Variants in LRP1B observed in about 807,000 individuals in gnomAD.
The protein encoded by LRP1B is low-density lipoprotein receptor-related protein 1B.
In LRP1B, 217 loss-of-function variants were observed where a neutral mutation model predicts 556.6. The ratio of observed to expected loss-of-function variants is 0.39; its 90% CI spans 0.35 to 0.44. The LOEUF (loss-of-function observed/expected upper bound fraction) is 0.44. Among genes scored for constraint, LRP1B ranks in the 20% least tolerant of loss-of-function variants. The pLI is 1.00. For missense variants in LRP1B, 5,053 were observed against 5,620.8 expected (o/e 0.90, Z 3.23); for synonymous variants, 2,047 against 1,865.8 (o/e 1.10, Z -2.50).
intron 35 of LRP1B, among the ~76,000 whole-genome samples, chr2:140,765,014 A>G (rs923327792): frequency 3.3e-5 from 5 of 152,264 alleles, no homozygotes; most frequent in African/African-American, 1.2e-4. Context: ...CTTTTAATAG[A>G]GACAGGGTCT....
intron 1 of LRP1B, among the ~76,000 whole-genome samples, chr2:141,871,750 T>C (rs1698594624): frequency 6.6e-6 from 1 of 151,882 alleles, no homozygotes; most frequent in Non-Finnish European, 1.5e-5. Flanking sequence ...TAAAAAGGTG[T>C]TTAGTTTATG....
chr2:141,346,407 C>T (rs1239928230), intron 3 of LRP1B, among the ~76,000 whole-genome samples: 1 of 152,056 alleles, frequency 6.6e-6, no homozygotes, highest in Admixed American at 6.6e-5. Flanking sequence ...ACTTTAGATC[C>T]TCTCCTGGGC....
intron 3 of LRP1B, among the ~76,000 whole-genome samples, chr2:141,405,071 C>T (rs185475919): frequency 7.3e-5 from 11 of 151,150 alleles, no homozygotes; most frequent in African/African-American, 9.7e-5. Flanking sequence ...CCAGCCTGGG[C>T]GACAAGAGCG....
chr2:141,454,504 C>T (rs1452229324), intron 3 of LRP1B, among the ~76,000 whole-genome samples: 1 of 151,470 alleles, frequency 6.6e-6, no homozygotes, highest in East Asian at 1.9e-4. Context: ...ACCACAGAAC[C>T]TACCATGACA....
intron 1 of LRP1B, among the ~76,000 whole-genome samples, chr2:141,906,066 A>AG (rs1699752216): frequency 6.6e-6 from 1 of 150,732 alleles, no homozygotes; most frequent in Admixed American, 6.6e-5. Flanking sequence ...GACAAGTGGG[A>AG]GGGGGAAGAA....
At chr2:141,768,295 G>A (rs572690288) in intron 2 of LRP1B, among the ~76,000 whole-genome samples, 1 of 152,160 alleles carries the variant, frequency 6.6e-6, no homozygotes, top group South Asian at 2.1e-4. Context: ...GGATCTAAAT[G>A]AGAGATTTTT....
At chr2:141,367,035 C>A (rs1183581068) in intron 3 of LRP1B, among the ~76,000 whole-genome samples, 2 of 152,144 alleles carry the variant, frequency 1.3e-5, no homozygotes, top group East Asian at 3.8e-4. Context: ...ATGGACTTGC[C>A]TGAACCTTCA....
At chr2:140,513,031 A>C (rs1438093690) in intron 51 of LRP1B, among the ~76,000 whole-genome samples, 1 of 152,144 alleles carries the variant, frequency 6.6e-6, no homozygotes, top group African/African-American at 2.4e-5. Flanking sequence ...TCTTTAATAA[A>C]AAAGCATTAT....
chr2:140,303,409 G>A, intron 83 of LRP1B, among the ~76,000 whole-genome samples: 1 of 151,622 alleles, frequency 6.6e-6, no homozygotes, highest in East Asian at 2.0e-4. Flanking sequence ...CACGATGCCT[G>A]GCTATTTTTT....
At chr2:142,029,919 G>C (rs995756160) in intron 1 of LRP1B, among the ~76,000 whole-genome samples, 1 of 151,462 alleles carries the variant, frequency 6.6e-6, no homozygotes, top group Non-Finnish European at 1.5e-5. Flanking sequence ...ATTAGAGCTT[G>C]CAATAAATAT....
chr2:140,463,664 C>T (rs569222891), intron 60 of LRP1B, among the ~76,000 whole-genome samples: 21 of 152,044 alleles, frequency 1.4e-4, no homozygotes, highest in Admixed American at 3.3e-4. Flanking sequence ...TTTATTTTTC[C>T]GATATTAAAT....
chr2:141,911,935 T>C (rs961899831), intron 1 of LRP1B, among the ~76,000 whole-genome samples: 1 of 152,152 alleles, frequency 6.6e-6, no homozygotes, highest in Admixed American at 6.5e-5. Flanking sequence ...ATGAACCCCC[T>C]ACAAGCATGC....
At chr2:140,414,963 G>C (rs1183333645) in intron 66 of LRP1B, among the ~76,000 whole-genome samples, 1 of 152,100 alleles carries the variant, frequency 6.6e-6, no homozygotes, top group Non-Finnish European at 1.5e-5. Flanking sequence ...TTCCTAGCAG[G>C]GAATATTAAT....
At chr2:141,314,968 G>T (rs16855028) in intron 3 of LRP1B, among the ~76,000 whole-genome samples, 1 of 146,868 alleles carries the variant, frequency 6.8e-6, no homozygotes, top group African/African-American at 2.5e-5. Context: ...GCCTCTCCCC[G>T]CAAGAGCCTA....
intron 84 of LRP1B, among the ~76,000 whole-genome samples, chr2:140,278,700 T>A (rs993397425): frequency 6.6e-6 from 1 of 152,040 alleles, no homozygotes; most frequent in Non-Finnish European, 1.5e-5. Context: ...TAATAAATAA[T>A]TCTAAATTGC....
intron 1 of LRP1B, among the ~76,000 whole-genome samples, chr2:141,835,187 C>T (rs539153565): frequency 6.6e-6 from 1 of 152,094 alleles, no homozygotes; most frequent in African/African-American, 2.4e-5. Context: ...ATTAACTGAA[C>T]TTGTGGGACA....
intron 3 of LRP1B, among the ~76,000 whole-genome samples, chr2:141,348,098 C>T (rs1688317329): frequency 1.3e-5 from 2 of 152,018 alleles, no homozygotes; most frequent in Admixed American, 6.6e-5. Context: ...GCTCTTCACA[C>T]TTAGTGTCAT....
chr2:140,300,524 C>T (rs1573754828), intron 83 of LRP1B, among the ~76,000 whole-genome samples: 1 of 152,168 alleles, frequency 6.6e-6, no homozygotes, highest in East Asian at 1.9e-4. Flanking sequence ...GGGGAGTTGA[C>T]AGCCTACAAG....
At chr2:141,788,894 T>C (rs971918613) in intron 2 of LRP1B, among the ~76,000 whole-genome samples, 2 of 152,246 alleles carry the variant, frequency 1.3e-5, no homozygotes, top group Middle Eastern at 3.4e-3. Flanking sequence ...CTGCATAGTA[T>C]TCCATGGTGT....
Sources: allele counts gnomAD v4.1 joint callset (sites outside exome capture counted in the v4.1 genomes callset), GRCh38; gene constraint gnomAD v4.1.1; transcripts MANE v1.5; gene names NCBI Gene and HGNC (gene_info 2026-07-23, HGNC 2026-07-21).